SIAH3: variants seen among roughly 807,000 people sequenced by gnomAD.
The protein encoded by SIAH3 is siah E3 ubiquitin protein ligase family member 3.
A neutral mutation model predicts 12.6 loss-of-function variants in SIAH3; 9 were observed. The observed-to-expected ratio is 0.72, with a 90% CI of 0.43 to 1.25. The LOEUF (loss-of-function observed/expected upper bound fraction) is 1.25, where lower values mean the gene tolerates loss of function less well. Ranked by LOEUF, SIAH3 falls within the 50% of genes most tolerant of loss-of-function variation. SIAH3 has a pLI of 0.00. For synonymous variants in SIAH3, 154 were observed against 151.1 expected (o/e 1.02, Z -0.14); for missense variants, 390 against 365.4 (o/e 1.07, Z -0.55).
chr13:45,820,961 T>C (rs1950653659), intron 1 of SIAH3, among the ~76,000 whole-genome samples: 1 of 152,248 alleles, frequency 6.6e-6, no homozygotes, highest in South Asian at 2.1e-4. Context: ...AGGTCTGTTG[T>C]TTCCTTCTCT....
Position 45,851,712 on chromosome 13 carries a change from G to A in SIAH3, c.-83C>T. On this transcript the variant is annotated 5_prime_UTR_variant, in exon 1 of 2. Coordinates refer to ENST00000400405, the MANE Select transcript of SIAH3 (RefSeq NM_198849.3). The stretch of plus-strand genomic sequence containing the variant: ...GGGCCCTGGAAGGAGCGCAGCCTCT[G>A]AGACACTCCGCTCCAGCCCGGCTTA... 15 of 1,564,160 alleles carry A rather than the reference G, an allele frequency of 9.6e-6. No individual in the cohort carries two copies. Among genetic ancestry groups the A allele is most frequent in the Non-Finnish European group, 1.3e-5 (15 of 1,142,932 alleles).
rs1256670916 is a variant in SIAH3 at position 45,784,916 on chromosome 13, G to C, written c.136-859C>G. Reference sequence around the variant, plus strand: ...GGGCCTTGCAGGGATACAGCTGTGAGCACAATAGATACTGTGTCTTTTGGT... The same window carrying C: ...GGGCCTTGCAGGGATACAGCTGTGACCACAATAGATACTGTGTCTTTTGGT... On this transcript the variant is annotated intron_variant, in intron 1 of 1. Coordinates refer to ENST00000400405, the MANE Select transcript of SIAH3 (RefSeq NM_198849.3). Among the ~76,000 whole-genome samples, 3 of 152,216 alleles carry C rather than the reference G, an allele frequency of 2.0e-5. No homozygotes were observed. In the East Asian group the frequency reaches 5.8e-4, roughly 29 times the overall value.
chr13:45,834,148 A>G (rs990653278), intron 1 of SIAH3, among the ~76,000 whole-genome samples: 2 of 152,186 alleles, frequency 1.3e-5, no homozygotes, highest in South Asian at 4.1e-4. Flanking sequence ...ATTACATTCC[A>G]AACAATTAAT....
chr13:45,838,969 G>A (rs903439534), intron 1 of SIAH3, among the ~76,000 whole-genome samples: 6 of 152,002 alleles, frequency 3.9e-5, no homozygotes, highest in Non-Finnish European at 7.4e-5. Context: ...AGAAAATGTT[G>A]GAAGGGCATA....
intron 1 of SIAH3, among the ~76,000 whole-genome samples, chr13:45,823,637 C>T (rs1336782481): frequency 6.6e-6 from 1 of 152,224 alleles, no homozygotes; most frequent in Non-Finnish European, 1.5e-5. Context: ...AGATTTTGGT[C>T]TCAAAACTGC....
chr13:45,829,894 C>A (rs1163609506), intron 1 of SIAH3, among the ~76,000 whole-genome samples: 1 of 152,128 alleles, frequency 6.6e-6, no homozygotes, highest in Non-Finnish European at 1.5e-5. Context: ...ACCCCAGGAG[C>A]CTTCTGTCCC....
intron 1 of SIAH3, among the ~76,000 whole-genome samples, chr13:45,814,305 G>C (rs1171870567): frequency 1.3e-5 from 2 of 151,486 alleles, no homozygotes; most frequent in Admixed American, 1.3e-4. Flanking sequence ...AGTGTTTTTG[G>C]AGTATAGTCC....
chr13:45,819,567 G>A (rs1950647709), intron 1 of SIAH3, among the ~76,000 whole-genome samples: 1 of 152,176 alleles, frequency 6.6e-6, no homozygotes. Context: ...AGGAGGTTGT[G>A]GTGGAAATTG....
intron 1 of SIAH3, among the ~76,000 whole-genome samples, chr13:45,825,823 G>A (rs1950672447): frequency 6.6e-6 from 1 of 152,116 alleles, no homozygotes; most frequent in South Asian, 2.1e-4. Flanking sequence ...CCGTTTTGTA[G>A]GACAGCCCTA....
At chr13:45,784,396 C>CTTTTTTTTTT (rs1555256292) in intron 1 of SIAH3, among the ~76,000 whole-genome samples, 5 of 102,014 alleles carry the variant, frequency 4.9e-5, no homozygotes, top group African/African-American at 7.8e-5. Context: ...ACAAAGACAG[C>CTTTTTTTTTT]TGTTTTTTTT....
intron 1 of SIAH3, among the ~76,000 whole-genome samples, chr13:45,824,798 T>G (rs909485915): frequency 6.6e-6 from 1 of 150,936 alleles, no homozygotes; most frequent in Non-Finnish European, 1.5e-5. Flanking sequence ...CTGAGCCTTA[T>G]TCCTCATTTA....
chr13:45,850,988 CTT>C (rs1398213956), intron 1 of SIAH3, among the ~76,000 whole-genome samples: 1 of 149,494 alleles, frequency 6.7e-6, no homozygotes, highest in African/African-American at 2.5e-5. Flanking sequence ...AGGACAAACA[CTT>C]TGCAGAAAGA....
In SIAH3 at chr13:45,783,724, T is replaced by A. The variant is rs1434414149; in HGVS notation, c.469A>T (p.Ile157Phe). ...TGGCCAAGGCAGGAGTGCATGATGA[T>A]CCAATCAGCCGGCGCGGGGAGGTGC... The part of the protein sequence containing the change: ...DMHLPAPADW[I>F]IMHSCLGHHF... The change falls in exon 2 of 2, where the codon ATC becomes TTC. Residue 157 changes from isoleucine to phenylalanine, a missense_variant. Transcript: ENST00000400405. The A allele has an allele frequency of 6.2e-7, 1 of 1,614,086 alleles. No individual in the cohort carries two copies. Among genetic ancestry groups the A allele is most frequent in the Non-Finnish European group, 8.5e-7 (1 of 1,179,988 alleles).
intron 1 of SIAH3, among the ~76,000 whole-genome samples, chr13:45,810,484 G>T (rs1950612758): frequency 6.6e-6 from 1 of 152,146 alleles, no homozygotes; most frequent in South Asian, 2.1e-4. Context: ...ACATATGGAG[G>T]TATTGATGTG....
intron 1 of SIAH3, among the ~76,000 whole-genome samples, chr13:45,812,253 C>T (rs749328710): frequency 6.6e-6 from 1 of 152,170 alleles, no homozygotes; most frequent in Non-Finnish European, 1.5e-5. Flanking sequence ...TTCACTGATA[C>T]CATCTTGTTT....
At chr13:45,798,894 T>C (rs1950571770) in intron 1 of SIAH3, among the ~76,000 whole-genome samples, 1 of 152,244 alleles carries the variant, frequency 6.6e-6, no homozygotes, top group South Asian at 2.1e-4. Flanking sequence ...GACTAATTCT[T>C]CTGGAAAACA....
At position 45,829,241 on chromosome 13, in the gene SIAH3, T is replaced by C. The variant is rs185185237; in HGVS notation, c.135+22254A>G. On this transcript the variant is annotated intron_variant, in intron 1 of 1. Transcript: ENST00000400405. ...AAAAACTGCTTGTGTGTAAAATGCA[T>C]TAATCTCAACTGTGCAGCTTGGTGA... Among the ~76,000 whole-genome samples the C allele has an allele frequency of 2.5e-3, 384 of 152,252 alleles. 2 individuals are homozygous for C. Among genetic ancestry groups the C allele is most frequent in the African/African-American group, 9.0e-3 (373 of 41,544 alleles).
At chr13:45,826,469 A>ATGAGTGTGTGGG (rs1473543848) in intron 1 of SIAH3, among the ~76,000 whole-genome samples, 1 of 79,128 alleles carries the variant, frequency 1.3e-5, no homozygotes. Flanking sequence ...GAATGGATGG[A>ATGAGTGTGTGGG]TGGATGGATG....
chr13:45,846,088 T>TTTTTC (rs1392480999), intron 1 of SIAH3, among the ~76,000 whole-genome samples: 3 of 137,660 alleles, frequency 2.2e-5, no homozygotes, highest in Non-Finnish European at 4.6e-5. Flanking sequence ...TAACTTCTTT[T>TTTTTC]TTTTTTTTTT....
Sources: gnomAD v4.1 joint callset for allele counts (sites outside exome capture counted in the v4.1 genomes callset) on GRCh38, gnomAD v4.1.1 for gene constraint, MANE v1.5 for transcripts, NCBI Gene and HGNC (gene_info 2026-07-23, HGNC 2026-07-21) for gene names.